The following GSE1 variants were observed in gnomAD, a reference collection of about 807,000 sequenced individuals.
GSE1 encodes genetic suppressor element 1.
A neutral mutation model predicts 112.6 loss-of-function variants in GSE1; 32 were observed. The observed-to-expected ratio is 0.28, with a 90% CI of 0.21 to 0.38. The LOEUF (loss-of-function observed/expected upper bound fraction) is 0.38. GSE1 is among the 10% of genes least tolerant of loss of function. GSE1 has a pLI of 1.00. For synonymous variants in GSE1, 1,115 were observed against 735.6 expected, an observed-to-expected ratio of 1.52 and a Z score of -8.35; for missense variants, 2,348 against 1,699.2, an observed-to-expected ratio of 1.38 and a Z score of -6.71.
At chr16:85,615,739 C>T (rs1415512450) in intron 1 of GSE1, among the ~76,000 whole-genome samples, 1 of 152,228 alleles carries the variant, frequency 6.6e-6, no homozygotes, top group Non-Finnish European at 1.5e-5. Context: ...TGTCAGAGTT[C>T]AAAGGGGCTT....
At position 85,656,550 on chromosome 16, in the gene GSE1, G is replaced by A. The variant is rs2051971057; in HGVS notation, c.1197G>A (p.Leu399=). 29 of 1,548,580 alleles carry A rather than the reference G, an allele frequency of 1.9e-5. No homozygotes were observed. Among genetic ancestry groups the A allele is most frequent in the East Asian group, 2.4e-5 (1 of 40,910 alleles). ...REQRAREKEL[L]AAKALEPSFL... ...AGCGGGCCCGGGAGAAGGAGCTGCT[G>A]GCCGCCAAGGCCCTGGAGCCCAGCT... Residue 399 remains leucine (L), a synonymous_variant, in exon 7 of 16, where the codon CTG becomes CTA. Transcript: ENST00000253458.
chr16:85,316,872 G>C (rs913731058), intron 1 of GSE1, among the ~76,000 whole-genome samples: 1 of 152,194 alleles, frequency 6.6e-6, no homozygotes, highest in Non-Finnish European at 1.5e-5. Flanking sequence ...AGCCCCTCAG[G>C]GCACAGGGTA....
chr16:85,448,759 G>T (rs2049583640), intron 2 of GSE1, among the ~76,000 whole-genome samples: 1 of 152,210 alleles, frequency 6.6e-6, no homozygotes, highest in Non-Finnish European at 1.5e-5. Flanking sequence ...GCAACCCGGG[G>T]CAGGAAACCA....
intron 2 of GSE1, among the ~76,000 whole-genome samples, chr16:85,508,807 T>C (rs1488060399): frequency 6.6e-6 from 1 of 152,230 alleles, no homozygotes; most frequent in Non-Finnish European, 1.5e-5. Flanking sequence ...GTCCTTGAAC[T>C]TCACATCCAG....
At chr16:85,191,731 C>T (rs935736985) in intron 1 of GSE1, among the ~76,000 whole-genome samples, 1 of 152,212 alleles carries the variant, frequency 6.6e-6, no homozygotes, top group African/African-American at 2.4e-5. Context: ...GAGGCCGGAA[C>T]TTATCCCTCA....
chr16:85,456,092 ATC>A (rs770681740), intron 2 of GSE1, among the ~76,000 whole-genome samples: 3 of 152,194 alleles, frequency 2.0e-5, no homozygotes, highest in Non-Finnish European at 4.4e-5. Flanking sequence ...ACTCATCCTC[ATC>A]TGTGTCCAGA....
At chr16:85,492,048 G>C (rs866749239) in intron 2 of GSE1, among the ~76,000 whole-genome samples, 1 of 152,184 alleles carries the variant, frequency 6.6e-6, no homozygotes, top group Non-Finnish European at 1.5e-5. Context: ...CCCTGGACAC[G>C]GGCAGCCAGG....
chr16:85,628,364 C>T (rs2049255371), intron 1 of GSE1, among the ~76,000 whole-genome samples: 1 of 152,218 alleles, frequency 6.6e-6, no homozygotes, highest in South Asian at 2.1e-4. Flanking sequence ...CCCCAGGGAC[C>T]CAGGGAGACT....
In GSE1 at chr16:85,213,621, C is replaced by T. The variant is rs576273912; in HGVS notation, c.2283+41814C>T. ...TGGCTCCTGCACGGATTGCAACAGCCAGCCCGTGTGTGATAGTCAGCAAGG... is the reference window on the plus strand; with the variant it reads ...TGGCTCCTGCACGGATTGCAACAGCTAGCCCGTGTGTGATAGTCAGCAAGG... On this transcript the variant is annotated intron_variant, in intron 1 of 2. Coordinates refer to the GSE1 transcript ENST00000637419. Among the ~76,000 whole-genome samples the T allele has an allele frequency of 7.2e-5, 11 of 152,374 alleles. No individual in the cohort carries two copies. The South Asian group carries it at 1.9e-3, about 26-fold the overall frequency.
intron 2 of GSE1, among the ~76,000 whole-genome samples, chr16:85,400,152 A>G (rs1164007391): frequency 6.6e-6 from 1 of 152,256 alleles, no homozygotes; most frequent in Non-Finnish European, 1.5e-5. Flanking sequence ...TCAAAGGCAA[A>G]AAAACGGAGA....
At chr16:85,369,868 C>T (rs2047258400) in intron 2 of GSE1, among the ~76,000 whole-genome samples, 1 of 152,228 alleles carries the variant, frequency 6.6e-6, no homozygotes, top group South Asian at 2.1e-4. Context: ...GGGACTGGTC[C>T]CTCAGCCTCA....
At chr16:85,185,671 C>T (rs991088858) in intron 1 of GSE1, among the ~76,000 whole-genome samples, 5 of 152,254 alleles carry the variant, frequency 3.3e-5, no homozygotes, top group Admixed American at 1.3e-4. Flanking sequence ...GCAGGAGAAA[C>T]GTCCCCCGTG....
At chr16:85,476,172 T>C (rs890401024) in intron 2 of GSE1, among the ~76,000 whole-genome samples, 2 of 152,210 alleles carry the variant, frequency 1.3e-5, no homozygotes, top group African/African-American at 2.4e-5. Context: ...GCTCAAGTGA[T>C]CCTCCTGCCT....
chr16:85,649,474 C>G (rs753805273), intron 3 of GSE1, among the ~76,000 whole-genome samples: 3 of 152,220 alleles, frequency 2.0e-5, no homozygotes, highest in African/African-American at 7.2e-5. Flanking sequence ...GGGCTCCCAG[C>G]GGAGGCCCCT....
At chr16:85,313,140 G>T (rs1468892805) in intron 1 of GSE1, among the ~76,000 whole-genome samples, 1 of 152,212 alleles carries the variant, frequency 6.6e-6, no homozygotes, top group African/African-American at 2.4e-5. Context: ...AACCGTCTCA[G>T]AAAGTGAGAG....
At chr16:85,300,538 C>G (rs777124004) in intron 1 of GSE1, among the ~76,000 whole-genome samples, 11 of 152,226 alleles carry the variant, frequency 7.2e-5, no homozygotes, top group Non-Finnish European at 1.3e-4. Flanking sequence ...AATGGACTCA[C>G]ACACACTGCG....
intron 1 of GSE1, among the ~76,000 whole-genome samples, chr16:85,221,733 C>T (rs1252356922): frequency 6.6e-6 from 1 of 152,198 alleles, no homozygotes; most frequent in Non-Finnish European, 1.5e-5. Context: ...GAGAGGCCCA[C>T]TTTCCTTCAT....
At chr16:85,325,610 C>T (rs938072752) in intron 1 of GSE1, among the ~76,000 whole-genome samples, 4 of 151,188 alleles carry the variant, frequency 2.6e-5, no homozygotes, top group African/African-American at 9.7e-5. Flanking sequence ...TGCCGCCATG[C>T]CCAGCTAATT....
intron 1 of GSE1, among the ~76,000 whole-genome samples, chr16:85,344,261 A>G (rs1281486353): frequency 1.3e-5 from 2 of 152,204 alleles, no homozygotes; most frequent in Non-Finnish European, 2.9e-5. Flanking sequence ...GAGGCAGAGA[A>G]CATTTCTGGG....
Sources: allele counts gnomAD v4.1 joint callset (sites outside exome capture counted in the v4.1 genomes callset), GRCh38; gene constraint gnomAD v4.1.1; transcripts MANE v1.5; gene names NCBI Gene and HGNC (gene_info 2026-07-23, HGNC 2026-07-21).